RIPOR2: variants seen among roughly 807,000 people sequenced by gnomAD.
RIPOR2 encodes RHO family interacting cell polarization regulator 2, also known as rho family-interacting cell polarization regulator 2.
RIPOR2 carries 39 observed loss-of-function variants against 114.5 expected under a neutral mutation model. The ratio of observed to expected loss-of-function variants is 0.34; its 90% confidence interval spans 0.26 to 0.44. The LOEUF is 0.44. RIPOR2 is among the 20% of genes least tolerant of loss of function. The pLI is 1.00. For missense variants in RIPOR2, 1,007 were observed against 1,255.1 expected (o/e 0.80, Z 2.99); for synonymous variants, 445 against 484.4 (o/e 0.92, Z 1.07).
Position 24,828,200 on chromosome 6 carries a change from T to C in RIPOR2, c.2602A>G (p.Ser868Gly), listed in dbSNP as rs1420122618. Residue 868 changes from serine to glycine, a missense_variant, in exon 18 of 22, where the codon AGT (serine) becomes GGT (glycine). Transcript: ENST00000643898. ...SEVVTVFQYYSYFTSHGVSDL... is the reference protein window; with the variant it reads ...SEVVTVFQYYGYFTSHGVSDL... ...CTGACGCCGTGGCTGGTGAAGTAAC[T>C]GTAATACTGGAAAACAGTGACGACT... The C allele has an allele frequency of 6.4e-7, 1 of 1,551,356 alleles. No homozygotes were observed. Among genetic ancestry groups the C allele is most frequent in the Non-Finnish European group, 8.7e-7 (1 of 1,146,788 alleles).
At chr6:24,839,628 GA>G (rs752301269) in intron 13 of RIPOR2, 17 of 1,530,242 alleles carry the variant, frequency 1.1e-5, no homozygotes, top group Admixed American at 2.2e-5. Flanking sequence ...ACAAAAAGTT[GA>G]AAAAAAACAA....
chr6:24,934,516 T>C lies in RIPOR2; in HGVS notation c.61+1322A>G, dbSNP rs767479579. Reference sequence around the variant, plus strand: ...ATATTAACCATGATTACATTCTACATGACTAGATTACAAGGGGTTCTTTGC... The same window carrying C: ...ATATTAACCATGATTACATTCTACACGACTAGATTACAAGGGGTTCTTTGC... On this transcript the variant is annotated intron_variant, in intron 1 of 21. Coordinates refer to ENST00000643898, the MANE Select transcript of RIPOR2 (RefSeq NM_001286445.3). Among the ~76,000 whole-genome samples the C allele has an allele frequency of 2.3e-3, 346 of 152,342 alleles. 2 individuals carry two copies. The highest frequency in any genetic ancestry group is 2.7e-3 in the Non-Finnish European group (183 of 68,012).
At position 25,024,280 on chromosome 6, in the gene RIPOR2, A is replaced by G. The variant is rs139309607; in HGVS notation, c.76+17571T>C. On this transcript the variant is annotated intron_variant, in intron 1 of 13. Coordinates refer to the RIPOR2 transcript ENST00000510784. ...GCCGGCCAGATGAACTCTTCCACAA[A>G]CTCCCTGATGACATCCTCAATGAAC... 8.7e-4 allele frequency: 1,333 copies of G among 1,535,868 alleles called. 17 individuals are homozygous for G. The East Asian group carries it at 0.025, about 28-fold the overall frequency.
intron 19 of RIPOR2, among the ~76,000 whole-genome samples, chr6:24,822,561 C>T (rs1297797871): frequency 1.3e-5 from 2 of 152,018 alleles, no homozygotes; most frequent in Non-Finnish European, 2.9e-5. Context: ...TCTTGTCACC[C>T]AGGCTGGAGT....
chr6:24,951,441 G>C (rs2114201750), intron 1 of RIPOR2, among the ~76,000 whole-genome samples: 2 of 152,232 alleles, frequency 1.3e-5, no homozygotes, highest in Middle Eastern at 6.8e-3. Flanking sequence ...ATGGAATAGG[G>C]GGTCTTCAAA....
chr6:24,862,989 G>A (rs1764224762), intron 7 of RIPOR2, among the ~76,000 whole-genome samples: 1 of 152,034 alleles, frequency 6.6e-6, no homozygotes, highest in South Asian at 2.1e-4. Flanking sequence ...GTCTCTATCT[G>A]TCACCCAGGC....
At chr6:24,856,528 G>A (rs981041271) in intron 8 of RIPOR2, among the ~76,000 whole-genome samples, 4 of 152,178 alleles carry the variant, frequency 2.6e-5, no homozygotes, top group African/African-American at 9.7e-5. Flanking sequence ...GCCGAGGTGG[G>A]CGGATCACCT....
chr6:24,875,945 A>G lies in RIPOR2; in HGVS notation c.62-128T>C, dbSNP rs1383004662. 17 of 833,684 alleles carry G rather than the reference A, an allele frequency of 2.0e-5. No homozygotes were observed. The East Asian group carries it at 4.6e-4, about 23-fold the overall frequency. The allele number at this position is 833,684 out of a possible 1,614,324, so 51.6% of individuals were successfully genotyped here. On this transcript the variant is annotated intron_variant, in intron 1 of 21. Coordinates refer to ENST00000643898, the MANE Select transcript of RIPOR2 (RefSeq NM_001286445.3). ...CTGTTAAGTGCTTGTGAGGTTCTTT[A>G]TTATGGAGTGTCCTGAAGACGAAGG...
At chr6:24,908,674 T>C (rs1193077340) in intron 1 of RIPOR2, among the ~76,000 whole-genome samples, 2 of 152,170 alleles carry the variant, frequency 1.3e-5, no homozygotes, top group Non-Finnish European at 2.9e-5. Flanking sequence ...TGGGTATGAA[T>C]ACTAAAGAGA....
intron 17 of RIPOR2, among the ~76,000 whole-genome samples, chr6:24,829,496 C>T (rs888302826): frequency 4.6e-5 from 7 of 151,954 alleles, no homozygotes. Context: ...GGCATGTTGG[C>T]ATCTATCTAC....
At chr6:24,953,494 C>CA (rs550693257) in intron 1 of RIPOR2, among the ~76,000 whole-genome samples, 197 of 152,276 alleles carry the variant, frequency 1.3e-3, no homozygotes, top group African/African-American at 4.6e-3. Context: ...CAGCTTCCTG[C>CA]AAGCCAGGAA....
intron 18 of RIPOR2, among the ~76,000 whole-genome samples, chr6:24,827,120 ATT>A (rs1760257936): frequency 6.6e-6 from 1 of 152,164 alleles, no homozygotes; most frequent in East Asian, 1.9e-4. Context: ...ATTGGGACAA[ATT>A]TAGTATCAAT....
intron 14 of RIPOR2, among the ~76,000 whole-genome samples, chr6:24,836,508 C>T (rs1761126701): frequency 6.6e-6 from 1 of 152,148 alleles, no homozygotes; most frequent in South Asian, 2.1e-4. Context: ...AAATCTCTTG[C>T]ATTGATTATC....
intron 1 of RIPOR2, among the ~76,000 whole-genome samples, chr6:25,011,150 G>A (rs913142956): frequency 2.6e-5 from 4 of 152,206 alleles, no homozygotes; most frequent in African/African-American, 9.7e-5. Context: ...TTGGCAATGA[G>A]CAGTGGAGGG....
intron 1 of RIPOR2, among the ~76,000 whole-genome samples, chr6:24,992,908 T>A (rs527539991): frequency 6.6e-6 from 1 of 152,322 alleles, no homozygotes; most frequent in African/African-American, 2.4e-5. Flanking sequence ...ACGACAGCAA[T>A]TCAAACTTAA....
intron 1 of RIPOR2, among the ~76,000 whole-genome samples, chr6:24,971,559 T>C (rs1273967518): frequency 2.6e-5 from 4 of 152,250 alleles, no homozygotes; most frequent in Admixed American, 2.6e-4. Flanking sequence ...TTTTTCTTTC[T>C]TCCTATGCGT....
chr6:24,974,488 G>T (rs1385835943), intron 1 of RIPOR2, among the ~76,000 whole-genome samples: 3 of 152,202 alleles, frequency 2.0e-5, no homozygotes, highest in African/African-American at 7.2e-5. Flanking sequence ...ACACCCAGCA[G>T]GATGGCTACA....
intron 1 of RIPOR2, among the ~76,000 whole-genome samples, chr6:24,898,841 G>A (rs2817722): frequency 0.34 from 51,205 of 151,848 alleles, 8,870 homozygotes; most frequent in African/African-American, 0.41. Context: ...TTACTGCTCC[G>A]TCATAACAAA....
intron 1 of RIPOR2, among the ~76,000 whole-genome samples, chr6:24,882,365 T>C (rs1581699999): frequency 6.6e-6 from 1 of 152,346 alleles, no homozygotes; most frequent in African/African-American, 2.4e-5. Flanking sequence ...CCTTTCAACA[T>C]CTGCCAGGTG....
Sources: allele counts gnomAD v4.1 joint callset (sites outside exome capture counted in the v4.1 genomes callset), GRCh38; gene constraint gnomAD v4.1.1; transcripts MANE v1.5; gene names NCBI Gene and HGNC (gene_info 2026-07-23, HGNC 2026-07-21).